POLR3C: variants seen among roughly 807,000 people sequenced by gnomAD.
POLR3C encodes DNA-directed RNA polymerase III subunit RPC3.
POLR3C carries 44 observed loss-of-function variants against 65.9 expected under a neutral mutation model. The observed-to-expected ratio is 0.67, with a 90% CI of 0.52 to 0.86. The LOEUF is 0.86. POLR3C is among the 40% of genes least tolerant of loss of function. The pLI, the probability that POLR3C is intolerant of heterozygous loss-of-function variation, is 0.00. For missense variants in POLR3C, 576 were observed against 653.2 expected, an observed-to-expected ratio of 0.88 and a Z score of 1.29; for synonymous variants, 263 against 231.6, an observed-to-expected ratio of 1.14 and a Z score of -1.23.
chr1:145,836,604 T>C lies in POLR3C; in HGVS notation c.957+30T>C, dbSNP rs587762411. ...GTCTGTTTTTGCTTTTTTTCTTTTTTCTTTAGCCTGTACTGTTGATAATTT... is the reference window on the plus strand; with the variant it reads ...GTCTGTTTTTGCTTTTTTTCTTTTTCCTTTAGCCTGTACTGTTGATAATTT... On this transcript the variant is annotated intron_variant, in intron 8 of 14. Transcript: ENST00000334163. 13 of 1,352,788 alleles carry C rather than the reference T, an allele frequency of 9.6e-6. No individual in the cohort carries two copies. In the South Asian group the frequency reaches 1.2e-4, roughly 12 times the overall value. The allele number at this position is 1,352,788 out of a possible 1,614,324, so 83.8% of individuals were successfully genotyped here.
intron 7 of POLR3C, among the ~76,000 whole-genome samples, chr1:145,834,213 T>G (rs906146413): frequency 6.6e-6 from 1 of 152,084 alleles, no homozygotes; most frequent in African/African-American, 2.4e-5. Context: ...AAAGGTACAG[T>G]AAAAATATGG....
chr1:145,838,098 G>A lies in POLR3C; in HGVS notation c.1113G>A (p.Gln371=). The change falls in exon 11 of 15, where the codon CAG becomes CAA. Residue 371 remains glutamine, a synonymous_variant. Transcript: ENST00000334163. The stretch of plus-strand genomic sequence containing the variant: ...CTAGAATATTCCGTCTAGTTTTGCA[G>A]AAGAAACACATAGAGCAGAAGCAAG... The part of the protein sequence containing the change: ...RCARIFRLVL[Q]KKHIEQKQVE... 1 of 1,614,118 alleles carries A rather than the reference G, an allele frequency of 6.2e-7. No individual in the cohort carries two copies. Among genetic ancestry groups the A allele is most frequent in the African/African-American group, 1.3e-5 (1 of 75,048 alleles).
chr1:145,840,203 A>G (rs75411873), intron 13 of POLR3C, 38 bp downstream of exon 13: 20 of 1,295,134 alleles, frequency 1.5e-5, no homozygotes, highest in Non-Finnish European at 2.1e-5. Context: ...TACATCTTTC[A>G]AGATCAAGGG....
chr1:145,828,109 GGAAAT>G (rs1331063827), intron 4 of POLR3C, among the ~76,000 whole-genome samples: 2 of 152,234 alleles, frequency 1.3e-5, no homozygotes, highest in South Asian at 2.1e-4. Flanking sequence ...TAGCATTTGA[GGAAAT>G]GAAAGAATGT....
At chr1:145,836,118 AC>A (rs1559149387) in intron 7 of POLR3C, among the ~76,000 whole-genome samples, 1 of 142,176 alleles carries the variant, frequency 7.0e-6, no homozygotes, top group South Asian at 2.2e-4. Flanking sequence ...TAAAATTAAA[AC>A]TTTTTTTTTT....
At chr1:145,836,720 G>C in intron 8 of POLR3C, 95 bp from the exon 9 acceptor site, 1 of 958,084 alleles carries the variant, frequency 1.0e-6, no homozygotes, top group Admixed American at 1.8e-5. Context: ...TTGATAGGAG[G>C]GCTACCTGCT....
rs996881473 is a variant in POLR3C, at chr1:145,842,484, G to A, written c.*64G>A. 2.3e-5 allele frequency: 25 copies of A among 1,071,308 alleles called. No individual in the cohort carries two copies. The East Asian group carries it at 5.6e-4, about 24-fold the overall frequency. 66.4% of individuals were successfully genotyped at this position (1,071,308 alleles called of 1,614,324 possible). A position where few individuals can be genotyped will look rare whatever the true frequency, so the allele number is the denominator to read the frequency against. On this transcript the variant is annotated 3_prime_UTR_variant, in exon 15 of 15. Transcript: ENST00000334163. The stretch of plus-strand genomic sequence containing the variant: ...GGAAAGCAAAATAAAGGAGGTGCCT[G>A]GATGCATTATTTGCAGTGGGATAAG...
Position 145,825,838 on chromosome 1 carries a change from T to G in POLR3C, c.62T>G (p.Val21Gly), listed in dbSNP as rs782324006. Residue 21 changes from valine to glycine, a missense_variant, in exon 2 of 15, where the codon GTA becomes GGA. Physicochemically the swap from Val to Gly is moderately radical, Grantham distance 109 (BLOSUM62 -3). Coordinates refer to ENST00000334163, the MANE Select transcript of POLR3C (RefSeq NM_006468.8). The stretch of plus-strand genomic sequence containing the variant: ...CTGCAAGAGCATTTTGGAGAGATTG[T>G]AGAAAAAATTGGAGTCCATCTGATA... ...LLLQEHFGEI[V>G]EKIGVHLIRT... 6.2e-6 allele frequency: 10 copies of G among 1,613,096 alleles called. No individual in the cohort carries two copies. The highest frequency in any genetic ancestry group is 8.5e-6 in the Non-Finnish European group (10 of 1,179,032).
chr1:145,826,950 C>A lies in POLR3C; in HGVS notation c.534C>A (p.Pro178=). 2 of 1,612,712 alleles carry A rather than the reference C, an allele frequency of 1.2e-6. No individual in the cohort carries two copies. The highest frequency in any genetic ancestry group is 2.7e-5 in the African/African-American group (2 of 74,902). ...ACCCTGGGCCACCACCACCTGCCCC[C>A]ACACTTGTCATTAATGAAAAGGACA... ...NSDPGPPPPA[P]TLVINEKDMY... is the part of the protein sequence containing the mutation. The change falls in exon 4 of 15, where the codon CCC becomes CCA. Residue 178 remains proline (P), a synonymous_variant. Coordinates refer to ENST00000334163, the MANE Select transcript of POLR3C (RefSeq NM_006468.8).
intron 4 of POLR3C, among the ~76,000 whole-genome samples, chr1:145,827,555 C>G (rs782090233): frequency 5.9e-5 from 9 of 151,536 alleles, no homozygotes; most frequent in Non-Finnish European, 8.8e-5. Context: ...GTCAGGAGAT[C>G]GAGACCATCC....
chr1:145,837,839 C>T (rs1326974819), intron 10 of POLR3C, among the ~76,000 whole-genome samples: 1 of 152,208 alleles, frequency 6.6e-6, no homozygotes. Context: ...GGAACTGTGG[C>T]ACTCAAATGA....
At chr1:145,827,131 C>A in intron 4 of POLR3C, 126 bp downstream of exon 4, 1 of 800,370 alleles carries the variant, frequency 1.2e-6, no homozygotes, top group Non-Finnish European at 2.0e-6. Flanking sequence ...TGGTGTATAA[C>A]AATGAAAAAA....
rs1466607751 is a variant in POLR3C, at chr1:145,843,430, C to T, written c.*1010C>T. ...CCAATGTGTTTTCTAATTGTTTAAA[C>T]ACTTGAGTGTCAAACAATTGCCAGC... On this transcript the variant is annotated 3_prime_UTR_variant, in exon 15 of 15. Transcript: ENST00000334163. Among the ~76,000 whole-genome samples, 2 of 152,160 alleles carry T rather than the reference C, an allele frequency of 1.3e-5. No individual in the cohort carries two copies. The highest frequency in any genetic ancestry group is 2.9e-5 in the Non-Finnish European group (2 of 68,034).
chr1:145,838,075 A>G lies in POLR3C; in HGVS notation c.1090A>G (p.Arg364Gly), dbSNP rs1053868952. 3 of 1,614,034 alleles carry G rather than the reference A, an allele frequency of 1.9e-6. No homozygotes were observed. The highest frequency in any genetic ancestry group is 2.5e-6 in the Non-Finnish European group (3 of 1,179,860). Residue 364 changes from arginine (R) to glycine (G), a missense_variant, in exon 11 of 15, where the codon AGA becomes GGA. Arg to Gly is a moderately radical substitution (Grantham distance 125). Coordinates refer to ENST00000334163, the MANE Select transcript of POLR3C (RefSeq NM_006468.8). ...TTCCAGATTTGGGTCTCGCTGTGCT[A>G]GAATATTCCGTCTAGTTTTGCAGAA... Reference protein sequence around the residue: ...VQERFGSRCARIFRLVLQKKH... With the variant: ...VQERFGSRCAGIFRLVLQKKH...
At chr1:145,834,730 A>G (rs1307717171) in intron 7 of POLR3C, among the ~76,000 whole-genome samples, 3 of 152,166 alleles carry the variant, frequency 2.0e-5, no homozygotes, top group Admixed American at 1.3e-4. Flanking sequence ...AAGCAGTAGG[A>G]ATTTTTCAGC....
intron 4 of POLR3C, among the ~76,000 whole-genome samples, chr1:145,828,436 AAG>A (rs1345420814): frequency 6.6e-6 from 1 of 152,196 alleles, no homozygotes; most frequent in Non-Finnish European, 1.5e-5. Flanking sequence ...TGGAAAATGA[AAG>A]AGAGAGGGTG....
chr1:145,827,210 A>G (rs1400769934), intron 4 of POLR3C, among the ~76,000 whole-genome samples: 1 of 152,240 alleles, frequency 6.6e-6, no homozygotes, highest in Non-Finnish European at 1.5e-5. Flanking sequence ...TCGATATATC[A>G]TTAAACGGTG....
At chr1:145,828,947 A>G in intron 5 of POLR3C, 110 bp downstream of exon 5, 1 of 672,156 alleles carries the variant, frequency 1.5e-6, no homozygotes, top group Non-Finnish European at 2.7e-6. Flanking sequence ...AAGCAGTAGG[A>G]TTATGAACCT....
chr1:145,837,396 A>T (rs1384023859), intron 9 of POLR3C, 140 bp from the exon 10 acceptor site: 1 of 548,074 alleles, frequency 1.8e-6, no homozygotes, highest in East Asian at 3.3e-5. Flanking sequence ...TTTATGTACC[A>T]TGACTGAAAC....
Sources: allele counts gnomAD v4.1 joint callset (sites outside exome capture counted in the v4.1 genomes callset), GRCh38; gene constraint gnomAD v4.1.1; transcripts MANE v1.5; gene names NCBI Gene and HGNC (gene_info 2026-07-23, HGNC 2026-07-21).